PRR12: variants seen among roughly 807,000 people sequenced by gnomAD.
PRR12 encodes the protein proline-rich protein 12.
In PRR12, 12 loss-of-function variants were observed where a neutral mutation model predicts 138.0. The observed-to-expected ratio is 0.09, with a 90% CI of 0.06 to 0.14. The LOEUF is 0.14. Ranked by LOEUF, PRR12 falls within the 10% of genes least tolerant of loss-of-function variation. PRR12 has a pLI of 1.00. For missense variants in PRR12, 2,692 were observed against 2,861.3 expected (o/e 0.94, Z 1.35); for synonymous variants, 1,567 against 1,291.7 (o/e 1.21, Z -4.57).
chr19:49,625,755 G>C lies in PRR12; in HGVS notation c.*148G>C, dbSNP rs1310414150. Reference sequence around the variant, plus strand: ...GTCTGTGCTGCCCCCTCCAGGGCAGGGTTCAAAGTCCGACTCCCCCCCTCT... The same window carrying C: ...GTCTGTGCTGCCCCCTCCAGGGCAGCGTTCAAAGTCCGACTCCCCCCCTCT... On this transcript the variant is annotated 3_prime_UTR_variant, in exon 14 of 14. Coordinates refer to ENST00000418929, the MANE Select transcript of PRR12 (RefSeq NM_020719.3). This position sits in a 1 kb window ranked among gnomAD's most constrained non-coding sequence, Gnocchi z 5.5. 2.7e-6 allele frequency: 3 copies of C among 1,094,132 alleles called. No homozygotes were observed. The highest frequency in any genetic ancestry group is 3.7e-6 in the Non-Finnish European group (3 of 820,050). 67.8% of individuals were successfully genotyped at this position (1,094,132 alleles called of 1,614,324 possible). A position where few individuals can be genotyped will look rare whatever the true frequency, so the allele number is the denominator to read the frequency against.
rs1244489314 is a variant in PRR12, at chr19:49,614,233, AT to A, written c.4774-298del. On this transcript the variant is annotated intron_variant, in intron 6 of 13. Transcript: ENST00000418929. This position sits in a 1 kb window ranked among gnomAD's most constrained non-coding sequence, Gnocchi z 5.0. ...TAGCAGGCGGTGTTCAAAGATTGTC[AT>A]TACTCTGAGTCACACAGGAAGTTTT... 1.3e-5 allele frequency among the ~76,000 whole-genome samples: 2 copies of A among 152,172 alleles called. No homozygotes were observed. Among genetic ancestry groups the A allele is most frequent in the Non-Finnish European group, 2.9e-5 (2 of 68,034 alleles).
rs201546609 is a variant in PRR12, at chr19:49,601,810, G to A, written c.4665G>A (p.Ala1555=). 1.7e-4 allele frequency: 279 copies of A among 1,612,296 alleles called. No individual in the cohort carries two copies. The East Asian group carries it at 1.9e-3, about 11-fold the overall frequency. Residue 1555 remains alanine (A), a synonymous_variant, in exon 6 of 14, where the codon GCG becomes GCA. Coordinates refer to ENST00000418929, the MANE Select transcript of PRR12 (RefSeq NM_020719.3). The part of the protein sequence containing the change: ...PLHLAKKQET[A]AVCGETDEEA... Reference sequence around the variant, plus strand: ...ATCTGGCCAAAAAGCAGGAGACGGCGGCAGTGTGTGGGGAGACGGACGAGG... The same window carrying A: ...ATCTGGCCAAAAAGCAGGAGACGGCAGCAGTGTGTGGGGAGACGGACGAGG...
chr19:49,596,102 C>T lies in PRR12; in HGVS notation c.1767C>T (p.Tyr589=), dbSNP rs146167986. The change falls in exon 4 of 14, where the codon TAC becomes TAT. Residue 589 remains tyrosine, a synonymous_variant. Coordinates refer to ENST00000418929, the MANE Select transcript of PRR12 (RefSeq NM_020719.3). The surrounding 1 kb of genome is among the most constrained non-coding windows in gnomAD (Gnocchi z 5.6). The part of the protein sequence containing the change: ...GVGSPGAPGK[Y]LSSVLASAPF... ...GCTCTCCAGGAGCCCCTGGCAAATA[C>T]CTGAGCTCAGTCTTGGCCTCAGCGC... 18,172 of 1,602,826 alleles carry T rather than the reference C, an allele frequency of 0.011. 136 individuals are homozygous for T. The highest frequency in any genetic ancestry group is 0.022 in the Middle Eastern group (134 of 6,060).
rs1461486146 is a variant in PRR12, at chr19:49,616,359, C to T, written c.5497+140C>T. ...AGATAATGGCAGTAGCTCACAGTCA[C>T]GGGGCATCTCACTACACGACAGGCT... is the stretch of plus-strand genomic sequence containing the variant. On this transcript the variant is annotated intron_variant, in intron 9 of 13. Transcript: ENST00000418929. The surrounding 1 kb of genome is among the most constrained non-coding windows in gnomAD (Gnocchi z 4.2). 6 of 714,866 alleles carry T rather than the reference C, an allele frequency of 8.4e-6. No homozygotes were observed. The highest frequency in any genetic ancestry group is 2.4e-5 in the African/African-American group (1 of 41,488). The allele number at this position is 714,866 out of a possible 1,614,324, so 44.3% of individuals were successfully genotyped here.
intron 11 of PRR12, 45 bp downstream of exon 11, chr19:49,621,667 C>T: frequency 3.4e-6 from 5 of 1,458,190 alleles, no homozygotes; most frequent in Non-Finnish European, 3.7e-6. Context: ...CCAGGGTCCA[C>T]ATGGAGAAGA....
At position 49,597,464 on chromosome 19, in the gene PRR12, T is replaced by TCCGCCA; in HGVS notation, c.3135_3140dup (p.Pro1048_Pro1049dup). On this transcript the variant is annotated inframe_insertion, in exon 4 of 14. Transcript: ENST00000418929. The surrounding 1 kb of genome is among the most constrained non-coding windows in gnomAD (Gnocchi z 6.3). The stretch of plus-strand genomic sequence containing the variant: ...ACCAGGCGGCGCCACCACCCCCGCC[T>TCCGCCA]CCGCCACCGCCGCCTCCCGCGCCGG... 6.5e-7 allele frequency: 1 copy of TCCGCCA among 1,542,352 alleles called. No homozygotes were observed. Among genetic ancestry groups the TCCGCCA allele is most frequent in the South Asian group, 1.2e-5 (1 of 84,002 alleles).
chr19:49,618,965 A>T lies in PRR12; in HGVS notation c.5498-1387A>T, dbSNP rs73934021. The stretch of plus-strand genomic sequence containing the variant: ...CTCTCATGGCTCCCTAGTACCCACC[A>T]GAAAAAGCCCTTGCCCTTTCTGCCT... On this transcript the variant is annotated intron_variant, in intron 9 of 13. Coordinates refer to ENST00000418929, the MANE Select transcript of PRR12 (RefSeq NM_020719.3). 5.1e-3 allele frequency among the ~76,000 whole-genome samples: 777 copies of T among 152,086 alleles called. 5 individuals are homozygous for T. The highest frequency in any genetic ancestry group is 0.018 in the African/African-American group (742 of 41,478).
chr19:49,611,640 A>AG (rs962381539), intron 6 of PRR12, among the ~76,000 whole-genome samples: 1 of 150,250 alleles, frequency 6.7e-6, no homozygotes, highest in African/African-American at 2.5e-5. Context: ...AAAAAAAAAA[A>AG]AGGCCGGGCG....
At chr19:49,592,024 C>T (rs1318168073) in intron 1 of PRR12, among the ~76,000 whole-genome samples, 3 of 152,158 alleles carry the variant, frequency 2.0e-5, no homozygotes, top group Admixed American at 1.3e-4. Context: ...GAGGGACTGG[C>T]GAAGCAAGGC....
chr19:49,623,643 A>G (rs891043388), intron 11 of PRR12, among the ~76,000 whole-genome samples: 6 of 152,058 alleles, frequency 3.9e-5, no homozygotes, highest in Non-Finnish European at 7.4e-5. Flanking sequence ...AAAAAAAAAA[A>G]AAAAGAATTC....
rs12462756 is a variant in PRR12 at position 49,595,166 on chromosome 19, G to A, written c.831G>A (p.Pro277=). 317,334 of 1,608,952 alleles carry A rather than the reference G, an allele frequency of 0.2. 35,584 individuals are homozygous for A. The highest frequency in any genetic ancestry group is 0.45 in the African/African-American group (33,432 of 74,926). ...CGGGTGCTGCCCCGGGCCCACCGCC[G>A]CCTGAGCGGGCCCTGCCACGCCAGG... The part of the protein sequence containing the change: ...NFSGAAPGPP[P]PERALPRQDT... Residue 277 remains proline (P), a synonymous_variant, in exon 4 of 14, where the codon CCG becomes CCA. Transcript: ENST00000418929.
At position 49,597,153 on chromosome 19, in the gene PRR12, C is replaced by A. The variant is rs2080777470; in HGVS notation, c.2818C>A (p.Gln940Lys). 4 of 1,551,886 alleles carry A rather than the reference C, an allele frequency of 2.6e-6. No individual in the cohort carries two copies. Among genetic ancestry groups the A allele is most frequent in the Non-Finnish European group, 3.5e-6 (4 of 1,147,856 alleles). ...CATCTGCTTCCCTGACTCCTTGCTCCAAGACGAGGAGCGCAGCTTCTTCCC... is the reference window on the plus strand; with the variant it reads ...CATCTGCTTCCCTGACTCCTTGCTCAAAGACGAGGAGCGCAGCTTCTTCCC... The part of the protein sequence containing the change: ...TSICFPDSLL[Q>K]DEERSFFPTM... The change falls in exon 4 of 14, where the codon CAA becomes AAA. Residue 940 changes from glutamine to lysine, a missense_variant. Gln to Lys is a moderately conservative substitution (Grantham distance 53, BLOSUM62 1). Around this residue, in one of 11 missense-constraint regions of PRR12, gnomAD observed 840 missense variants for 689.8 expected, o/e 1.22. Coordinates refer to ENST00000418929, the MANE Select transcript of PRR12 (RefSeq NM_020719.3). This position sits in a 1 kb window ranked among gnomAD's most constrained non-coding sequence, Gnocchi z 6.3.
intron 6 of PRR12, among the ~76,000 whole-genome samples, chr19:49,604,844 T>C (rs1047271860): frequency 6.6e-6 from 1 of 152,114 alleles, no homozygotes; most frequent in African/African-American, 2.4e-5. Context: ...GTCCTTCTGA[T>C]TGGGGATTTC....
At chr19:49,613,147 GC>G (rs2080874986) in intron 6 of PRR12, among the ~76,000 whole-genome samples, 1 of 151,288 alleles carries the variant, frequency 6.6e-6, no homozygotes, top group Non-Finnish European at 1.5e-5. Flanking sequence ...GACCAGCCCG[GC>G]CAACATGGCA....
chr19:49,625,387 C>T lies in PRR12; in HGVS notation c.5965-74C>T. The T allele has an allele frequency of 6.7e-7, 1 of 1,482,670 alleles. No homozygotes were observed. Among genetic ancestry groups the T allele is most frequent in the South Asian group, 1.3e-5 (1 of 76,734 alleles). 91.8% of individuals were successfully genotyped at this position (1,482,670 alleles called of 1,614,324 possible). A position where few individuals can be genotyped will look rare whatever the true frequency, so the allele number is the denominator to read the frequency against. On this transcript the variant is annotated intron_variant, in intron 13 of 13. Transcript: ENST00000418929. This position sits in a 1 kb window ranked among gnomAD's most constrained non-coding sequence, Gnocchi z 5.5. ...GGACACTGACATCTGACACCCCAGGCCCCATGCCCCAGCCCCTTCCCTCCC... is the reference window on the plus strand; with the variant it reads ...GGACACTGACATCTGACACCCCAGGTCCCATGCCCCAGCCCCTTCCCTCCC...
intron 6 of PRR12, among the ~76,000 whole-genome samples, chr19:49,612,946 C>CATACAA (rs1295367020): frequency 2.0e-5 from 3 of 151,986 alleles, no homozygotes; most frequent in African/African-American, 4.8e-5. Flanking sequence ...AAGGTGTGAG[C>CATACAA]CACTGCACTC....
chr19:49,607,576 C>T (rs367700585), intron 6 of PRR12, among the ~76,000 whole-genome samples: 1 of 151,804 alleles, frequency 6.6e-6, no homozygotes, highest in East Asian at 1.9e-4. Flanking sequence ...GATATAGTGG[C>T]ATGTGCTTGT....
At position 49,594,596 on chromosome 19, in the gene PRR12, C is replaced by T. The variant is rs375190208; in HGVS notation, c.342C>T (p.Arg114=). 2,922 of 1,612,426 alleles carry T rather than the reference C, an allele frequency of 1.8e-3. 2 individuals are homozygous for T. The highest frequency in any genetic ancestry group is 2.3e-3 in the Non-Finnish European group (2,682 of 1,179,630). The part of the protein sequence containing the change: ...PSASSLLSQF[R]SPSWQTAMHT... Reference sequence around the variant, plus strand: ...CCTCCTCTCTCCTCTCCCAGTTCCGCAGTCCTTCCTGGCAAACAGGTAAGC... The same window carrying T: ...CCTCCTCTCTCCTCTCCCAGTTCCGTAGTCCTTCCTGGCAAACAGGTAAGC... The change falls in exon 3 of 14, where the codon CGC becomes CGT. Residue 114 remains arginine (R), a synonymous_variant. Transcript: ENST00000418929. This position sits in a 1 kb window ranked among gnomAD's most constrained non-coding sequence, Gnocchi z 5.6.
At chr19:49,601,294 T>C (rs962698098) in intron 5 of PRR12, among the ~76,000 whole-genome samples, 197 bp from the exon 6 acceptor site, 15 of 151,664 alleles carry the variant, frequency 9.9e-5, no homozygotes, top group Non-Finnish European at 2.1e-4. Flanking sequence ...GGATTAGGGA[T>C]AGGAGACAGG....
Sources: allele counts gnomAD v4.1 joint callset (sites outside exome capture counted in the v4.1 genomes callset), GRCh38; gene constraint gnomAD v4.1.1; regional missense constraint gnomAD v4.1.1; non-coding constraint Gnocchi (gnomAD v3.1); transcripts MANE v1.5; gene names NCBI Gene and HGNC (gene_info 2026-07-23, HGNC 2026-07-21).